KIAA1549L: variants seen among roughly 807,000 people sequenced by gnomAD.
KIAA1549L encodes the protein UPF0606 protein KIAA1549L.
Under a neutral mutation model 160.7 loss-of-function variants are expected in KIAA1549L, and 88 were observed. The ratio of observed to expected loss-of-function variants is 0.55; its 90% confidence interval spans 0.46 to 0.65. KIAA1549L has a LOEUF of 0.65. Among genes scored for constraint, KIAA1549L ranks in the 30% least tolerant of loss-of-function variants. The pLI, the probability that KIAA1549L is intolerant of heterozygous loss-of-function variation, is 0.00. For synonymous variants in KIAA1549L, 950 were observed against 976.7 expected (o/e 0.97, Z 0.51); for missense variants, 2,258 against 2,437.5 (o/e 0.93, Z 1.55).
intron 1 of KIAA1549L, among the ~76,000 whole-genome samples, chr11:33,452,071 TC>T (rs1851731569): frequency 6.6e-6 from 1 of 152,052 alleles, no homozygotes; most frequent in South Asian, 2.1e-4. Flanking sequence ...AAATCCAAAA[TC>T]CCAGTAGAGG....
At chr11:33,621,207 T>G (rs557304972) in intron 16 of KIAA1549L, among the ~76,000 whole-genome samples, 2 of 152,212 alleles carry the variant, frequency 1.3e-5, no homozygotes, top group Non-Finnish European at 2.9e-5. Flanking sequence ...CAGGCAAATC[T>G]TAGCACCAGG....
intron 16 of KIAA1549L, among the ~76,000 whole-genome samples, chr11:33,623,614 A>C (rs1270849178): frequency 1.3e-5 from 2 of 152,174 alleles, no homozygotes; most frequent in Non-Finnish European, 2.9e-5. Context: ...GGAGGTCTTT[A>C]GGTAAAGTCC....
intron 1 of KIAA1549L, among the ~76,000 whole-genome samples, chr11:33,514,825 A>G (rs889176795): frequency 9.9e-5 from 15 of 152,254 alleles, no homozygotes; most frequent in African/African-American, 3.4e-4. Context: ...CATGAAATGC[A>G]TGGTAATAAT....
intron 15 of KIAA1549L, among the ~76,000 whole-genome samples, chr11:33,614,678 T>G (rs1554922952): frequency 1.5e-5 from 2 of 135,862 alleles, no homozygotes; most frequent in Non-Finnish European, 3.1e-5. Flanking sequence ...TGTGGCGCTA[T>G]CTCGGCTCAC....
At chr11:33,609,091 C>T (rs1057025629) in intron 14 of KIAA1549L, among the ~76,000 whole-genome samples, 1 of 152,248 alleles carries the variant, frequency 6.6e-6, no homozygotes, top group Non-Finnish European at 1.5e-5. Context: ...ACATTAGCCA[C>T]GTTCCCTTCT....
intron 5 of KIAA1549L, 142 bp from the exon 6 acceptor site, chr11:33,551,966 A>G (rs1854477840): frequency 1.1e-6 from 1 of 923,690 alleles, no homozygotes; most frequent in African/African-American, 1.7e-5. Flanking sequence ...CAAAACTACA[A>G]GCAAACCTTG....
intron 1 of KIAA1549L, among the ~76,000 whole-genome samples, chr11:33,425,565 G>A (rs761394058): frequency 1.3e-5 from 2 of 152,198 alleles, no homozygotes; most frequent in Non-Finnish European, 2.9e-5. Context: ...ATTCATGGGA[G>A]ACATCCAAAT....
chr11:33,645,174 T>G (rs1472713463), intron 16 of KIAA1549L, among the ~76,000 whole-genome samples: 1 of 152,214 alleles, frequency 6.6e-6, no homozygotes. Flanking sequence ...TACCACGCTT[T>G]AAGAGCTGTG....
intron 1 of KIAA1549L, among the ~76,000 whole-genome samples, chr11:33,393,280 A>G (rs1288713148): frequency 6.6e-6 from 1 of 152,096 alleles, no homozygotes. Context: ...GACTCAACTC[A>G]GGTGTTAGGC....
chr11:33,600,965 C>T (rs1246768160), intron 13 of KIAA1549L, among the ~76,000 whole-genome samples: 6 of 152,022 alleles, frequency 3.9e-5, no homozygotes, highest in Admixed American at 2.6e-4. Context: ...GAAATTCTGG[C>T]CTGCTCTAGA....
chr11:33,470,348 T>A (rs1267605161), intron 1 of KIAA1549L, among the ~76,000 whole-genome samples: 1 of 152,220 alleles, frequency 6.6e-6, no homozygotes, highest in Non-Finnish European at 1.5e-5. Flanking sequence ...ACTTTTGGAC[T>A]CTCAGTTCTA....
intron 9 of KIAA1549L, among the ~76,000 whole-genome samples, chr11:33,571,896 C>T (rs1421158627): frequency 1.3e-5 from 2 of 152,146 alleles, no homozygotes; most frequent in African/African-American, 4.8e-5. Flanking sequence ...AGTCCCAAAG[C>T]CTATTTGCAT....
chr11:33,379,783 A>G (rs1850036758), intron 1 of KIAA1549L, among the ~76,000 whole-genome samples: 1 of 152,212 alleles, frequency 6.6e-6, no homozygotes, highest in East Asian at 1.9e-4. Context: ...AAGTGTTTCA[A>G]ACAGTGCTTG....
intron 5 of KIAA1549L, among the ~76,000 whole-genome samples, chr11:33,551,721 G>A (rs188468153): frequency 7.0e-4 from 107 of 152,242 alleles, no homozygotes; most frequent in Non-Finnish European, 1.2e-3. Flanking sequence ...CAAGAGTGGA[G>A]GAACTCTTAA....
At chr11:33,436,654 AGGAGGAAAT>A (rs1451783673) in intron 1 of KIAA1549L, among the ~76,000 whole-genome samples, 3 of 152,260 alleles carry the variant, frequency 2.0e-5, no homozygotes, top group Non-Finnish European at 4.4e-5. Context: ...CTTTGTAGAA[AGGAGGAAAT>A]GGAGGCATAG....
At chr11:33,482,845 A>G (rs1852440732) in intron 1 of KIAA1549L, among the ~76,000 whole-genome samples, 1 of 152,166 alleles carries the variant, frequency 6.6e-6, no homozygotes, top group Admixed American at 6.5e-5. Context: ...CTAGGATTGC[A>G]GGTGTGAGCC....
chr11:33,533,655 T>A (rs1224926618), intron 1 of KIAA1549L, among the ~76,000 whole-genome samples: 1 of 152,242 alleles, frequency 6.6e-6, no homozygotes, highest in Non-Finnish European at 1.5e-5. Flanking sequence ...ATGGTTTTAT[T>A]TCAGCTTGTC....
intron 1 of KIAA1549L, among the ~76,000 whole-genome samples, chr11:33,523,200 A>C (rs1853536490): frequency 6.6e-6 from 1 of 152,348 alleles, no homozygotes; most frequent in East Asian, 1.9e-4. Flanking sequence ...AGTGTTCTTC[A>C]GAGCTGCAGT....
At chr11:33,437,375 G>A (rs578238167) in intron 1 of KIAA1549L, among the ~76,000 whole-genome samples, 2 of 152,182 alleles carry the variant, frequency 1.3e-5, no homozygotes, top group Non-Finnish European at 2.9e-5. Flanking sequence ...AAACAGAAGT[G>A]TTTATTCAAG....
Sources: allele counts gnomAD v4.1 joint callset (sites outside exome capture counted in the v4.1 genomes callset), GRCh38; gene constraint gnomAD v4.1.1; transcripts MANE v1.5; gene names NCBI Gene and HGNC (gene_info 2026-07-23, HGNC 2026-07-21).